Variants in GRIN2A observed in about 807,000 individuals in gnomAD.
GRIN2A encodes glutamate receptor ionotropic, NMDA 2A.
A neutral mutation model predicts 113.4 loss-of-function variants in GRIN2A; 22 were observed. The observed-to-expected ratio is 0.19, with a 90% CI of 0.14 to 0.28. The LOEUF (loss-of-function observed/expected upper bound fraction) is 0.28, where lower values mean the gene tolerates loss of function less well. Among genes scored for constraint, GRIN2A ranks in the 10% least tolerant of loss-of-function variants. GRIN2A has a pLI of 1.00. For synonymous variants in GRIN2A, 827 were observed against 738.4 expected, an observed-to-expected ratio of 1.12 and a Z score of -1.94; for missense variants, 1,502 against 1,887.0, an observed-to-expected ratio of 0.80 and a Z score of 3.78.
At chr16:9,801,204 C>T (rs80098953) in intron 10 of GRIN2A, among the ~76,000 whole-genome samples, 1,639 of 152,242 alleles carry the variant, frequency 0.011, 32 homozygotes, top group Admixed American at 0.041. Flanking sequence ...GACTTAGGGC[C>T]GTGGAAGGTG....
At chr16:10,107,535 C>G (rs56275045) in intron 2 of GRIN2A, among the ~76,000 whole-genome samples, 4,780 of 152,284 alleles carry the variant, frequency 0.031, 258 homozygotes, top group East Asian at 0.27. Flanking sequence ...CCAGGCCAAG[C>G]TAGCAAATAG....
intron 2 of GRIN2A, among the ~76,000 whole-genome samples, chr16:10,056,734 G>C (rs1209900163): frequency 1.3e-5 from 2 of 152,136 alleles, no homozygotes; most frequent in Non-Finnish European, 2.9e-5. Flanking sequence ...ACAAGCCAAA[G>C]AACGCCAAGG....
chr16:9,771,473 T>C (rs1235315677), intron 11 of GRIN2A, among the ~76,000 whole-genome samples: 1 of 152,128 alleles, frequency 6.6e-6, no homozygotes, highest in Non-Finnish European at 1.5e-5. Flanking sequence ...TTTTGTTATA[T>C]AGTTTGTTAT....
rs1057519551 is a variant in GRIN2A at position 9,849,946 on chromosome 16, T to C, written c.1138A>G (p.Asn380Asp). The C allele has an allele frequency of 6.2e-7, 1 of 1,613,856 alleles. No individual in the cohort carries two copies. Among genetic ancestry groups the C allele is most frequent in the Non-Finnish European group, 8.5e-7 (1 of 1,179,856 alleles). ...GCGTGCCTCAGGCTCAGCGTATGGT[T>C]CTCCCACTTGCCCACCTGCAGCACA... ...REWEKVGKWE[N>D]HTLSLRHAVW... Residue 380 changes from asparagine to aspartate, a missense_variant, in exon 5 of 13, where the codon AAC becomes GAC. Transcript: ENST00000330684.
chr16:9,868,349 C>T (rs888798769), intron 4 of GRIN2A, among the ~76,000 whole-genome samples: 1 of 152,192 alleles, frequency 6.6e-6, no homozygotes, highest in Non-Finnish European at 1.5e-5. Flanking sequence ...TCACTGCAAC[C>T]TCCGCCTCCC....
chr16:10,025,955 C>T lies in GRIN2A; in HGVS notation c.415-87404G>A, dbSNP rs577032773. On this transcript the variant is annotated intron_variant, in intron 2 of 12. Coordinates refer to ENST00000330684, the MANE Select transcript of GRIN2A (RefSeq NM_001134407.3). ...AGTGGCTTGAGGAAGTCAGGCACAGCGAGCTTCGTAGCCAGGGTCCTGGAG... is the reference window on the plus strand; with the variant it reads ...AGTGGCTTGAGGAAGTCAGGCACAGTGAGCTTCGTAGCCAGGGTCCTGGAG... 3.3e-5 allele frequency among the ~76,000 whole-genome samples: 5 copies of T among 152,296 alleles called. No individual in the cohort carries two copies. In the South Asian group the frequency reaches 6.2e-4, roughly 19 times the overall value.
chr16:9,841,932 C>T (rs1383044787), intron 5 of GRIN2A, among the ~76,000 whole-genome samples: 1 of 152,168 alleles, frequency 6.6e-6, no homozygotes, highest in Admixed American at 6.5e-5. Flanking sequence ...TCAAAGGACA[C>T]CCAGGCAAAC....
At chr16:9,806,316 T>C (rs150152633) in intron 10 of GRIN2A, among the ~76,000 whole-genome samples, 10 of 152,346 alleles carry the variant, frequency 6.6e-5, no homozygotes, top group African/African-American at 2.4e-4. Context: ...GTCAAAATTG[T>C]ACAGAGATCC....
chr16:9,764,855 GT>G lies in GRIN2A; in HGVS notation c.2688del (p.Lys896AsnfsTer15). The G allele has an allele frequency of 6.2e-7, 1 of 1,614,172 alleles. No homozygotes were observed. The highest frequency in any genetic ancestry group is 8.5e-7 in the Non-Finnish European group (1 of 1,180,020). ...NLTGSQSNML[K>X]LLRSAKNISS... ...GAAATGTTTTTGGCTGACCGGAGGA[GT>G]TTTAACATGTTGCTCTGGGATCCCG... On this transcript the variant is annotated frameshift_variant, in exon 13 of 13. Transcript: ENST00000330684. LOFTEE classifies it high-confidence loss of function.
At chr16:9,823,944 C>A (rs990982203) in intron 9 of GRIN2A, among the ~76,000 whole-genome samples, 4 of 152,180 alleles carry the variant, frequency 2.6e-5, no homozygotes, top group African/African-American at 4.8e-5. Flanking sequence ...CACAATGCAG[C>A]AGTCTCTCCA....
At chr16:9,861,850 G>A (rs1389477221) in intron 4 of GRIN2A, among the ~76,000 whole-genome samples, 1 of 152,212 alleles carries the variant, frequency 6.6e-6, no homozygotes, top group Non-Finnish European at 1.5e-5. Context: ...GTGAAACTAA[G>A]AACTGCTTTT....
rs979856305 is a variant in GRIN2A, at chr16:9,756,741, G to T, written c.*6408C>A. On this transcript the variant is annotated 3_prime_UTR_variant, in exon 13 of 13. Coordinates refer to ENST00000330684, the MANE Select transcript of GRIN2A (RefSeq NM_001134407.3). ...TATATTTTGATATTTTCAAATTCAG[G>T]TGCAGATCCATGGCAAGTACTTGCG... 1 of 183,544 alleles carries T rather than the reference G, an allele frequency of 5.4e-6. No homozygotes were observed. The highest frequency in any genetic ancestry group is 2.3e-5 in the African/African-American group (1 of 42,562). The allele number at this position is 183,544 out of a possible 1,614,324, so 11.4% of individuals were successfully genotyped here. A position where few individuals can be genotyped will look rare whatever the true frequency, so the allele number is the denominator to read the frequency against.
At chr16:10,002,679 C>G (rs2046341121) in intron 2 of GRIN2A, among the ~76,000 whole-genome samples, 1 of 152,222 alleles carries the variant, frequency 6.6e-6, no homozygotes, top group Non-Finnish European at 1.5e-5. Context: ...GGGGCAATGA[C>G]TACACAACTC....
chr16:9,770,193 T>C (rs1446307571), intron 11 of GRIN2A, among the ~76,000 whole-genome samples: 1 of 147,618 alleles, frequency 6.8e-6, no homozygotes, highest in Non-Finnish European at 1.5e-5. Context: ...ATTCAGCCTT[T>C]AAAAATGATC....
chr16:9,896,244 T>G (rs1177650768), intron 3 of GRIN2A, among the ~76,000 whole-genome samples: 1 of 152,192 alleles, frequency 6.6e-6, no homozygotes, highest in African/African-American at 2.4e-5. Flanking sequence ...GAGACAGGGT[T>G]GCACCATGTT....
chr16:9,785,057 A>T (rs1045132987), intron 11 of GRIN2A, among the ~76,000 whole-genome samples: 7 of 152,226 alleles, frequency 4.6e-5, no homozygotes, highest in African/African-American at 1.4e-4. Flanking sequence ...TAGAACTAGA[A>T]ATACCATTTG....
intron 4 of GRIN2A, among the ~76,000 whole-genome samples, chr16:9,886,930 C>G (rs2043596953): frequency 6.6e-6 from 1 of 152,120 alleles, no homozygotes. Context: ...CTCTGTCACC[C>G]AGGTTGAAGT....
Position 9,808,445 on chromosome 16 carries a change from C to T in GRIN2A, c.2169-9981G>A, listed in dbSNP as rs1218054298. Among the ~76,000 whole-genome samples the T allele has an allele frequency of 2.0e-5, 3 of 152,202 alleles. No individual in the cohort carries two copies. In the East Asian group the frequency reaches 5.8e-4, roughly 29 times the overall value. ...ACAGGAGGACTGAAAGACAGGGACT[C>T]TCAGGGGCCAGAAAACATGAGAGTG... is the stretch of plus-strand genomic sequence containing the variant. On this transcript the variant is annotated intron_variant, in intron 10 of 12. Transcript: ENST00000330684.
chr16:9,863,356 G>A lies in GRIN2A; in HGVS notation c.1123-13395C>T, dbSNP rs147537739. ...GGGCAACATTTTCTTTCCATGTGGAGCACAGGAGGTGGGGAGAAAGCAGCC... is the reference window on the plus strand; with the variant it reads ...GGGCAACATTTTCTTTCCATGTGGAACACAGGAGGTGGGGAGAAAGCAGCC... On this transcript the variant is annotated intron_variant, in intron 4 of 12. Coordinates refer to ENST00000330684, the MANE Select transcript of GRIN2A (RefSeq NM_001134407.3). Among the ~76,000 whole-genome samples, 6 of 152,016 alleles carry A rather than the reference G, an allele frequency of 3.9e-5. No homozygotes were observed. In the East Asian group the frequency reaches 9.7e-4, roughly 24 times the overall value.
Sources: gnomAD v4.1 joint callset for allele counts (sites outside exome capture counted in the v4.1 genomes callset) on GRCh38, gnomAD v4.1.1 for gene constraint, MANE v1.5 for transcripts, NCBI Gene and HGNC (gene_info 2026-07-23, HGNC 2026-07-21) for gene names.